TLK2: variants seen among roughly 807,000 people sequenced by gnomAD.
The protein encoded by TLK2 is tousled like kinase 2.
A neutral mutation model predicts 117.3 loss-of-function variants in TLK2; 6 were observed. The observed-to-expected ratio is 0.05, with a 90% confidence interval of 0.03 to 0.10. TLK2 has a LOEUF of 0.10. Ranked by LOEUF, TLK2 falls within the 10% of genes least tolerant of loss-of-function variation. TLK2 has a pLI of 1.00. For missense variants in TLK2, 299 were observed against 901.2 expected (o/e 0.33, Z 8.56); for synonymous variants, 257 against 316.7 (o/e 0.81, Z 2.00).
chr17:62,480,311 G>A (rs1190708653), intron 1 of TLK2, among the ~76,000 whole-genome samples: 1 of 152,110 alleles, frequency 6.6e-6, no homozygotes, highest in African/African-American at 2.4e-5. Flanking sequence ...TCGTGTAGGA[G>A]TTGGTCTCTT....
intron 7 of TLK2, among the ~76,000 whole-genome samples, chr17:62,545,686 G>A (rs1368687255): frequency 6.6e-6 from 1 of 152,022 alleles, no homozygotes; most frequent in East Asian, 1.9e-4. Flanking sequence ...GGTTAACAAA[G>A]TTCCTCTTGT....
At chr17:62,532,125 C>T (rs975481094) in intron 6 of TLK2, among the ~76,000 whole-genome samples, 1 of 152,156 alleles carries the variant, frequency 6.6e-6, no homozygotes, top group African/African-American at 2.4e-5. Context: ...AGATTTTGCT[C>T]TGGCAGATCC....
chr17:62,580,418 A>G (rs541047682), intron 15 of TLK2, among the ~76,000 whole-genome samples: 1 of 148,568 alleles, frequency 6.7e-6, no homozygotes, highest in African/African-American at 2.5e-5. Flanking sequence ...TTATAGATTT[A>G]AAAAACAAGA....
chr17:62,548,256 G>GTGTGTA (rs1475236269), intron 7 of TLK2, among the ~76,000 whole-genome samples: 1 of 150,532 alleles, frequency 6.6e-6, no homozygotes, highest in African/African-American at 2.4e-5. Context: ...GTGTGTGTGT[G>GTGTGTA]TGTGTGTGTG....
intron 7 of TLK2, among the ~76,000 whole-genome samples, chr17:62,546,080 C>T (rs1242040950): frequency 2.6e-5 from 4 of 152,062 alleles, no homozygotes; most frequent in Non-Finnish European, 5.9e-5. Flanking sequence ...CAGAGTTTCA[C>T]CATGTTGGCC....
intron 9 of TLK2, among the ~76,000 whole-genome samples, chr17:62,559,009 C>CT (rs1191683310): frequency 6.6e-5 from 10 of 151,874 alleles, no homozygotes; most frequent in Admixed American, 2.6e-4. Flanking sequence ...GAGCTGAGAT[C>CT]TTTTTTTTAA....
intron 17 of TLK2, among the ~76,000 whole-genome samples, chr17:62,599,050 A>G (rs866191210): frequency 2.6e-5 from 4 of 151,988 alleles, no homozygotes; most frequent in African/African-American, 9.7e-5. Context: ...GGTTCAAGCA[A>G]TTCTCCTGCC....
At chr17:62,503,185 C>T (rs1405281105) in intron 2 of TLK2, among the ~76,000 whole-genome samples, 1 of 151,226 alleles carries the variant, frequency 6.6e-6, no homozygotes, top group East Asian at 2.0e-4. Context: ...TCAGCCTCCC[C>T]AGCAGCTGGG....
At chr17:62,609,569 A>C (rs1405501946) in intron 21 of TLK2, among the ~76,000 whole-genome samples, 1 of 152,212 alleles carries the variant, frequency 6.6e-6, no homozygotes, top group African/African-American at 2.4e-5. Flanking sequence ...CCCATTGTTC[A>C]ACAGTTTAAG....
At chr17:62,583,812 C>T (rs1473803458) in intron 15 of TLK2, among the ~76,000 whole-genome samples, 2 of 151,478 alleles carry the variant, frequency 1.3e-5, no homozygotes, top group South Asian at 2.1e-4. Context: ...TTCCTGACCT[C>T]GTGATCTGCC....
chr17:62,595,983 C>T (rs1374804446), intron 16 of TLK2, among the ~76,000 whole-genome samples: 1 of 151,840 alleles, frequency 6.6e-6, no homozygotes, highest in Non-Finnish European at 1.5e-5. Context: ...CTTGAGTATA[C>T]GTGGAAAAGA....
intron 15 of TLK2, among the ~76,000 whole-genome samples, chr17:62,584,726 T>C (rs753200563): frequency 2.4e-4 from 36 of 152,252 alleles, no homozygotes; most frequent in Non-Finnish European, 4.8e-4. Context: ...GTTTTTATAC[T>C]TTAAACATAC....
chr17:62,535,298 A>G (rs1479731085), intron 6 of TLK2, among the ~76,000 whole-genome samples: 1 of 152,186 alleles, frequency 6.6e-6, no homozygotes, highest in African/African-American at 2.4e-5. Flanking sequence ...TTACATTAGT[A>G]GATTTGCTAA....
intron 2 of TLK2, among the ~76,000 whole-genome samples, chr17:62,517,262 C>G (rs1379908049): frequency 6.6e-6 from 1 of 152,110 alleles, no homozygotes; most frequent in Non-Finnish European, 1.5e-5. Context: ...GGCACCTTAT[C>G]AAAAATCATT....
chr17:62,510,895 A>C (rs2075090296), intron 2 of TLK2, among the ~76,000 whole-genome samples: 2 of 152,192 alleles, frequency 1.3e-5, no homozygotes, highest in Admixed American at 1.3e-4. Flanking sequence ...AATGCTACCT[A>C]AGTGTTGGTT....
In TLK2 at chr17:62,536,778, G is replaced by A. The variant is rs1426637314; in HGVS notation, c.531+441G>A. Among the ~76,000 whole-genome samples, 4 of 152,138 alleles carry A rather than the reference G, an allele frequency of 2.6e-5. No individual in the cohort carries two copies. The East Asian group carries it at 5.8e-4, about 22-fold the overall frequency. ...CAGCAAGTTACTGGTCATTTACCCC[G>A]TGTAGTATTTGGGCTATGTACACAC... On this transcript the variant is annotated intron_variant, in intron 7 of 21. Coordinates refer to ENST00000346027, the MANE Select transcript of TLK2 (RefSeq NM_006852.6).
rs751837332 is a variant in TLK2, at chr17:62,548,238, ATATGTGTGTG to A, written c.532-4062_532-4053del. ...ACTTATCATTGGGCCATATATATAT[ATATGTGTGTG>A]TGTGTGTGTGTGTGTGTGTGTGTGT... is the stretch of plus-strand genomic sequence containing the variant. On this transcript the variant is annotated intron_variant, in intron 7 of 21. Transcript: ENST00000346027. Among the ~76,000 whole-genome samples the A allele has an allele frequency of 2.9e-4, 33 of 111,908 alleles. No individual in the cohort carries two copies. The South Asian group carries it at 3.9e-3, about 13-fold the overall frequency. 73.4% of individuals were successfully genotyped at this position (111,908 alleles called of 152,430 possible).
chr17:62,600,926 A>G (rs963739432), intron 18 of TLK2, 106 bp downstream of exon 18: 6 of 1,173,886 alleles, frequency 5.1e-6, no homozygotes, highest in Non-Finnish European at 7.1e-6. Flanking sequence ...AGAAAGGCTA[A>G]TAACATCTGA....
At chr17:62,605,859 T>TTAA (rs1427432091) in intron 19 of TLK2, among the ~76,000 whole-genome samples, 2 of 151,760 alleles carry the variant, frequency 1.3e-5, no homozygotes, top group Admixed American at 6.6e-5. Flanking sequence ...TTTTAAAAAC[T>TTAA]ACCCAGGCAT....
Sources: gnomAD v4.1 joint callset for allele counts (sites outside exome capture counted in the v4.1 genomes callset) on GRCh38, gnomAD v4.1.1 for gene constraint, MANE v1.5 for transcripts, NCBI Gene and HGNC (gene_info 2026-07-23, HGNC 2026-07-21) for gene names.